The following KCNH5 variants were observed in gnomAD, a reference collection of about 807,000 sequenced individuals.
KCNH5 encodes voltage-gated delayed rectifier potassium channel KCNH5.
A neutral mutation model predicts 96.1 loss-of-function variants in KCNH5; 46 were observed. The observed-to-expected ratio is 0.48, with a 90% CI of 0.38 to 0.61. The LOEUF is 0.61. Ranked by LOEUF, KCNH5 falls within the 20% of genes least tolerant of loss-of-function variation. The probability of loss-of-function intolerance (pLI) is 0.00; values close to 1 mark genes in which losing one functional copy is unlikely to be tolerated. For synonymous variants in KCNH5, 439 were observed against 449.8 expected (o/e 0.98, Z 0.30); for missense variants, 907 against 1,225.8 (o/e 0.74, Z 3.88).
At chr14:62,807,911 T>A (rs1191588814) in intron 8 of KCNH5, among the ~76,000 whole-genome samples, 4 of 152,116 alleles carry the variant, frequency 2.6e-5, no homozygotes, top group African/African-American at 9.7e-5. Flanking sequence ...AATGACACTA[T>A]AACTCTTACT....
At chr14:62,967,288 C>T (rs1028063377) in intron 6 of KCNH5, among the ~76,000 whole-genome samples, 19 of 151,814 alleles carry the variant, frequency 1.3e-4, no homozygotes, top group Admixed American at 5.3e-4. Context: ...TAGTATGTTG[C>T]CCAGGCTATC....
Position 62,707,685 on chromosome 14 carries a change from G to C in KCNH5, c.2790C>G (p.Ala930=). 6.3e-7 allele frequency: 1 copy of C among 1,594,810 alleles called. No homozygotes were observed. The highest frequency in any genetic ancestry group is 8.6e-7 in the Non-Finnish European group (1 of 1,165,246). The part of the protein sequence containing the change: ...DIQLLSCRMT[A]LEKQVAEILK... ...AAATTTCTGCCACCTGCTTTTCTAG[G>C]GCAGTCATTCTGCAGCTGAGCAGCT... Residue 930 remains alanine (A), a synonymous_variant, in exon 11 of 11, where the codon GCC becomes GCG. Transcript: ENST00000322893.
rs1038721404 is a variant in KCNH5, at chr14:62,911,271, CT to C, written c.1369+38861del. 2.3e-4 allele frequency among the ~76,000 whole-genome samples: 33 copies of C among 144,706 alleles called. 1 individual carries two copies. In the East Asian group the frequency reaches 3.2e-3, roughly 14 times the overall value. The allele number at this position is 144,706 out of a possible 152,430, so 94.9% of individuals were successfully genotyped here. On this transcript the variant is annotated intron_variant, in intron 7 of 10. Transcript: ENST00000322893. ...TATAAATTCAACACAATCTTTCTTT[CT>C]TTTTTTTTTCTTTTTTTTTTTTTTG...
At chr14:62,796,488 GC>G (rs1886544060) in intron 9 of KCNH5, among the ~76,000 whole-genome samples, 1 of 152,110 alleles carries the variant, frequency 6.6e-6, no homozygotes, top group Admixed American at 6.6e-5. Flanking sequence ...AACAAGCATA[GC>G]TCTCTTGAGA....
chr14:62,959,002 C>T lies in KCNH5; in HGVS notation c.943-8443G>A, dbSNP rs142369773. On this transcript the variant is annotated intron_variant, in intron 6 of 10. Transcript: ENST00000322893. ...TTAAGCAAAAAAAATTAACATACCC[C>T]CTCACCCTCCTAAATCAGCTATGTG... 1.8e-3 allele frequency among the ~76,000 whole-genome samples: 280 copies of T among 152,038 alleles called. 2 individuals are homozygous for T. The highest frequency in any genetic ancestry group is 6.6e-3 in the African/African-American group (274 of 41,498).
At chr14:62,751,050 T>C (rs1391716850) in intron 10 of KCNH5, among the ~76,000 whole-genome samples, 1 of 152,112 alleles carries the variant, frequency 6.6e-6, no homozygotes, top group Admixed American at 6.6e-5. Flanking sequence ...AATAGGTAGC[T>C]GGATTCAAAG....
intron 7 of KCNH5, among the ~76,000 whole-genome samples, chr14:62,877,406 C>A (rs547089682): frequency 3.3e-5 from 5 of 152,090 alleles, no homozygotes; most frequent in African/African-American, 1.2e-4. Flanking sequence ...AGTGAACAGG[C>A]AACCTACAAA....
intron 9 of KCNH5, among the ~76,000 whole-genome samples, chr14:62,792,371 GAAGTA>G (rs1181503344): frequency 6.6e-6 from 1 of 151,432 alleles, no homozygotes; most frequent in Non-Finnish European, 1.5e-5. Flanking sequence ...TTATTAAGCA[GAAGTA>G]AAGAGAAGGT....
intron 8 of KCNH5, among the ~76,000 whole-genome samples, chr14:62,834,350 T>C (rs1366368598): frequency 6.6e-6 from 1 of 152,034 alleles, no homozygotes; most frequent in Non-Finnish European, 1.5e-5. Flanking sequence ...TTCACGGATA[T>C]AATAAATATT....
chr14:62,711,208 T>G (rs1884559308), intron 10 of KCNH5, among the ~76,000 whole-genome samples: 1 of 152,162 alleles, frequency 6.6e-6, no homozygotes. Flanking sequence ...CCCAGCTTCC[T>G]TGACCACCAG....
At chr14:62,926,964 G>A (rs771125420) in intron 7 of KCNH5, among the ~76,000 whole-genome samples, 5 of 152,048 alleles carry the variant, frequency 3.3e-5, no homozygotes, top group Non-Finnish European at 5.9e-5. Context: ...AGATTATAAC[G>A]AGCAGAATGT....
intron 1 of KCNH5, among the ~76,000 whole-genome samples, chr14:63,034,388 A>C (rs768421952): frequency 4.6e-5 from 7 of 152,202 alleles, no homozygotes; most frequent in Non-Finnish European, 7.3e-5. Flanking sequence ...CCACATCCAC[A>C]ATGTTGATTT....
At chr14:62,712,924 T>C (rs1366815622) in intron 10 of KCNH5, among the ~76,000 whole-genome samples, 1 of 152,174 alleles carries the variant, frequency 6.6e-6, no homozygotes, top group Non-Finnish European at 1.5e-5. Flanking sequence ...TGTTTTTAAC[T>C]TTCTTCTACA....
intron 7 of KCNH5, among the ~76,000 whole-genome samples, chr14:62,893,063 G>A (rs1433973580): frequency 1.3e-5 from 2 of 152,202 alleles, no homozygotes; most frequent in Non-Finnish European, 2.9e-5. Flanking sequence ...GCTATAGCTA[G>A]TGTAGACAGT....
intron 7 of KCNH5, among the ~76,000 whole-genome samples, chr14:62,942,855 C>T (rs2140124490): frequency 6.6e-6 from 1 of 152,228 alleles, no homozygotes; most frequent in South Asian, 2.1e-4. Context: ...GTTTGTTTTG[C>T]TTTATAAGAC....
In KCNH5 at chr14:62,706,440, G is replaced by C. The variant is rs1038671958; in HGVS notation, c.*1068C>G. Reference sequence around the variant, plus strand: ...TCACTACAAACACTAGGATTCATGTGTCAACAATCCGTACCAGTGTTTCAT... The same window carrying C: ...TCACTACAAACACTAGGATTCATGTCTCAACAATCCGTACCAGTGTTTCAT... On this transcript the variant is annotated 3_prime_UTR_variant, in exon 11 of 11. Coordinates refer to ENST00000322893, the MANE Select transcript of KCNH5 (RefSeq NM_139318.5). The C allele has an allele frequency of 6.6e-6, 1 of 152,138 alleles. No individual in the cohort carries two copies. The highest frequency in any genetic ancestry group is 1.5e-5 in the Non-Finnish European group (1 of 67,988). 9.4% of individuals were successfully genotyped at this position (152,138 alleles called of 1,614,324 possible).
chr14:62,858,330 G>T (rs1887969237), intron 7 of KCNH5, among the ~76,000 whole-genome samples: 1 of 152,184 alleles, frequency 6.6e-6, no homozygotes. Context: ...GTCATTTGTA[G>T]TCCTGCCTGG....
intron 8 of KCNH5, among the ~76,000 whole-genome samples, chr14:62,812,797 C>G (rs766923090): frequency 6.6e-6 from 1 of 152,036 alleles, no homozygotes; most frequent in Non-Finnish European, 1.5e-5. Context: ...TTACACTTAT[C>G]TATGTGTAGA....
intron 2 of KCNH5, among the ~76,000 whole-genome samples, chr14:63,016,525 G>T (rs1382947357): frequency 6.6e-6 from 1 of 152,036 alleles, no homozygotes; most frequent in South Asian, 2.1e-4. Context: ...GTTGTTCCCT[G>T]ATACAAGACG....
Sources: allele counts gnomAD v4.1 joint callset (sites outside exome capture counted in the v4.1 genomes callset), GRCh38; gene constraint gnomAD v4.1.1; transcripts MANE v1.5; gene names NCBI Gene and HGNC (gene_info 2026-07-23, HGNC 2026-07-21).